Variants in TIAM1 observed in about 807,000 individuals in gnomAD.
TIAM1 encodes the protein rho guanine nucleotide exchange factor TIAM1.
A neutral mutation model predicts 163.5 loss-of-function variants in TIAM1; 65 were observed. The ratio of observed to expected loss-of-function variants is 0.40; its 90% confidence interval spans 0.33 to 0.49. The LOEUF is 0.49. Ranked by LOEUF, TIAM1 falls within the 20% of genes least tolerant of loss-of-function variation. The pLI, the probability that TIAM1 is intolerant of heterozygous loss-of-function variation, is 0.77. For missense variants in TIAM1, 1,789 were observed against 2,044.7 expected, an observed-to-expected ratio of 0.87 and a Z score of 2.41; for synonymous variants, 833 against 810.1, an observed-to-expected ratio of 1.03 and a Z score of -0.48.
intron 2 of TIAM1, among the ~76,000 whole-genome samples, chr21:31,396,053 T>C (rs1306464352): frequency 6.6e-6 from 1 of 152,222 alleles, no homozygotes; most frequent in East Asian, 1.9e-4. Flanking sequence ...TTAGAGGAAG[T>C]CTTATAATTA....
chr21:31,355,331 G>C (rs1326902678), intron 2 of TIAM1, among the ~76,000 whole-genome samples: 2 of 152,010 alleles, frequency 1.3e-5, no homozygotes, highest in Non-Finnish European at 2.9e-5. Context: ...AAGGATAGTG[G>C]CCACCTTGGT....
chr21:31,424,788 C>T (rs773575020), intron 2 of TIAM1, among the ~76,000 whole-genome samples: 18 of 152,218 alleles, frequency 1.2e-4, no homozygotes, highest in East Asian at 1.9e-4. Flanking sequence ...CAGTGGCTCA[C>T]GCCTATAATC....
intron 2 of TIAM1, among the ~76,000 whole-genome samples, chr21:31,356,853 G>T (rs1320899964): frequency 6.6e-6 from 1 of 152,202 alleles, no homozygotes; most frequent in African/African-American, 2.4e-5. Context: ...CAGTGGCTCA[G>T]GCCTGTAATC....
At chr21:31,476,352 T>C (rs530699455) in intron 1 of TIAM1, among the ~76,000 whole-genome samples, 61 of 152,330 alleles carry the variant, frequency 4.0e-4, no homozygotes, top group Non-Finnish European at 7.2e-4. Flanking sequence ...TGATGCAAAA[T>C]TTGTCTTCTC....
At chr21:31,184,874 G>C (rs550550207) in intron 14 of TIAM1, among the ~76,000 whole-genome samples, 2 of 152,216 alleles carry the variant, frequency 1.3e-5, no homozygotes, top group South Asian at 4.2e-4. Context: ...TTTCTCACTC[G>C]TCACACCTTT....
chr21:31,445,343 C>T (rs1306735895), intron 2 of TIAM1, among the ~76,000 whole-genome samples: 4 of 152,180 alleles, frequency 2.6e-5, no homozygotes, highest in African/African-American at 4.8e-5. Flanking sequence ...CTGTTTAATA[C>T]GTGTGTCTTC....
intron 1 of TIAM1, among the ~76,000 whole-genome samples, chr21:31,475,762 A>C (rs2045916664): frequency 6.6e-6 from 1 of 152,244 alleles, no homozygotes; most frequent in Non-Finnish European, 1.5e-5. Context: ...GGAATCAGGA[A>C]ACGCAGAGAA....
intron 1 of TIAM1, among the ~76,000 whole-genome samples, chr21:31,509,080 T>C (rs1263263564): frequency 2.0e-5 from 3 of 152,120 alleles, no homozygotes; most frequent in African/African-American, 7.2e-5. Context: ...GGCCACTGAT[T>C]TTCCATGAGA....
intron 2 of TIAM1, among the ~76,000 whole-genome samples, chr21:31,379,867 G>C (rs2076748496): frequency 6.6e-6 from 1 of 152,184 alleles, no homozygotes; most frequent in African/African-American, 2.4e-5. Flanking sequence ...GATTGGGTGA[G>C]AAGAGCTGGA....
At chr21:31,314,373 A>G (rs2075034426) in intron 2 of TIAM1, among the ~76,000 whole-genome samples, 1 of 152,232 alleles carries the variant, frequency 6.6e-6, no homozygotes, top group Admixed American at 6.5e-5. Context: ...ATTATATAAA[A>G]TGTTAGTAAG....
intron 2 of TIAM1, among the ~76,000 whole-genome samples, chr21:31,391,777 C>A (rs1244400123): frequency 6.6e-6 from 1 of 152,172 alleles, no homozygotes; most frequent in East Asian, 1.9e-4. Flanking sequence ...GGCCTGCTTC[C>A]TTCCACCAAA....
chr21:31,550,631 T>A (rs1454645712), intron 1 of TIAM1, among the ~76,000 whole-genome samples: 1 of 152,116 alleles, frequency 6.6e-6, no homozygotes, highest in Admixed American at 6.5e-5. Context: ...GAGGTGGAAG[T>A]ATATCTTAAT....
At position 31,365,043 on chromosome 21, in the gene TIAM1, A is replaced by G. The variant is rs147540179; in HGVS notation, c.-368-25621T>C. ...ATTTCATGATTTTTACATGACACCAATTATTCTTCTTTTCCCCCCAGCCGC... is the reference window on the plus strand; with the variant it reads ...ATTTCATGATTTTTACATGACACCAGTTATTCTTCTTTTCCCCCCAGCCGC... On this transcript the variant is annotated intron_variant, in intron 2 of 28. Coordinates refer to the TIAM1 transcript ENST00000286827. Among the ~76,000 whole-genome samples, 682 of 152,282 alleles carry G rather than the reference A, an allele frequency of 4.5e-3. 4 individuals are homozygous for G. The highest frequency in any genetic ancestry group is 0.016 in the African/African-American group (646 of 41,558).
At chr21:31,513,829 G>A (rs925598635) in intron 1 of TIAM1, among the ~76,000 whole-genome samples, 7 of 151,940 alleles carry the variant, frequency 4.6e-5, no homozygotes, top group African/African-American at 9.7e-5. Flanking sequence ...CCAACATAGC[G>A]AAACCCCATC....
intron 1 of TIAM1, among the ~76,000 whole-genome samples, chr21:31,521,745 A>ACACACACACACAC (rs2047595411): frequency 2.7e-5 from 4 of 146,862 alleles, no homozygotes; most frequent in South Asian, 2.2e-4. Flanking sequence ...CTCACACACA[A>ACACACACACACAC]ACACACACAC....
intron 23 of TIAM1, among the ~76,000 whole-genome samples, chr21:31,135,173 T>C (rs1307410953): frequency 6.6e-6 from 1 of 152,190 alleles, no homozygotes; most frequent in East Asian, 1.9e-4. Flanking sequence ...GCATGGAGTG[T>C]TGATAGTTTT....
chr21:31,488,067 A>ACC (rs1015869174), intron 1 of TIAM1, among the ~76,000 whole-genome samples: 8 of 152,160 alleles, frequency 5.3e-5, no homozygotes, highest in Admixed American at 5.2e-4. Context: ...CAGGTGATCC[A>ACC]CCCACTTCGG....
At chr21:31,148,956 C>CTTTTTTTTTTTTTTTTTTTTTTTTTT (rs869158026) in intron 19 of TIAM1, among the ~76,000 whole-genome samples, 1 of 28,844 alleles carries the variant, frequency 3.5e-5, no homozygotes, top group African/African-American at 9.3e-5. Flanking sequence ...ACAAGTTTTT[C>CTTTTTTTTTTTTTTTTTTTTTTTTTT]TTTTTCTTTT....
intron 2 of TIAM1, among the ~76,000 whole-genome samples, chr21:31,283,029 T>TA (rs2073639157): frequency 1.3e-5 from 2 of 152,212 alleles, no homozygotes; most frequent in African/African-American, 4.8e-5. Flanking sequence ...TGACAATACT[T>TA]AATCAACAGG....
Sources: gnomAD v4.1 joint callset for allele counts (sites outside exome capture counted in the v4.1 genomes callset) on GRCh38, gnomAD v4.1.1 for gene constraint, MANE v1.5 for transcripts, NCBI Gene and HGNC (gene_info 2026-07-23, HGNC 2026-07-21) for gene names.